SLC9B1: variants seen among roughly 807,000 people sequenced by gnomAD.
SLC9B1 encodes sodium/hydrogen exchanger 9B1.
A neutral mutation model predicts 51.7 loss-of-function variants in SLC9B1; 32 were observed. The ratio of observed to expected loss-of-function variants is 0.62; its 90% CI spans 0.47 to 0.83. SLC9B1 has a LOEUF of 0.83. Ranked by LOEUF, SLC9B1 falls within the 40% of genes least tolerant of loss-of-function variation. The pLI is 0.00. For missense variants in SLC9B1, 406 were observed against 613.2 expected (o/e 0.66, Z 3.57); for synonymous variants, 145 against 212.7 (o/e 0.68, Z 2.77).
intron 6 of SLC9B1, among the ~76,000 whole-genome samples, chr4:102,938,433 C>T (rs1414576970): frequency 6.6e-6 from 1 of 152,128 alleles, no homozygotes; most frequent in African/African-American, 2.4e-5. Context: ...TGGGAGACTT[C>T]AACATCTCAC....
chr4:102,991,560 C>CTA, intron 2 of SLC9B1, 83 bp downstream of exon 2: 1 of 932,688 alleles, frequency 1.1e-6, no homozygotes, highest in Non-Finnish European at 1.5e-6. Flanking sequence ...TAAAAGAAAC[C>CTA]TATCTAATAA....
intron 7 of SLC9B1, among the ~76,000 whole-genome samples, chr4:102,927,453 A>C (rs1388072628): frequency 1.3e-5 from 2 of 152,272 alleles, no homozygotes; most frequent in Admixed American, 6.5e-5. Flanking sequence ...ACATCTATGC[A>C]GCTAACAGAC....
intron 3 of SLC9B1, among the ~76,000 whole-genome samples, chr4:102,969,361 G>C (rs1281373001): frequency 6.6e-6 from 1 of 152,198 alleles, no homozygotes; most frequent in Non-Finnish European, 1.5e-5. Context: ...GGTCTGGAGT[G>C]GACCTCCAGC....
chr4:102,924,859 C>A (rs1425648049), intron 7 of SLC9B1, among the ~76,000 whole-genome samples: 1 of 152,106 alleles, frequency 6.6e-6, no homozygotes, highest in Non-Finnish European at 1.5e-5. Flanking sequence ...AATGAGATAC[C>A]ATCTCACACC....
In SLC9B1 at chr4:102,980,718, T is replaced by C. The variant is rs112224705; in HGVS notation, c.211+9082A>G. On this transcript the variant is annotated intron_variant, in intron 3 of 11. Coordinates refer to ENST00000296422, the MANE Select transcript of SLC9B1 (RefSeq NM_139173.4). ...ATGTAACAAACCTGCACATCCTGCA[T>C]ATGTACCCTGGAACTTAAAATAAAA... 3.3e-3 allele frequency among the ~76,000 whole-genome samples: 504 copies of C among 152,082 alleles called. 5 individuals are homozygous for C. Among genetic ancestry groups the C allele is most frequent in the Middle Eastern group, 0.017 (5 of 294 alleles).
chr4:102,963,676 C>T (rs912420259), intron 3 of SLC9B1, among the ~76,000 whole-genome samples: 1 of 151,942 alleles, frequency 6.6e-6, no homozygotes, highest in African/African-American at 2.4e-5. Flanking sequence ...CAAAAATGGC[C>T]CAAAATAGTT....
chr4:103,002,253 C>T (rs1740563330), intron 1 of SLC9B1, among the ~76,000 whole-genome samples: 1 of 152,198 alleles, frequency 6.6e-6, no homozygotes, highest in South Asian at 2.1e-4. Flanking sequence ...ACTGTCCATA[C>T]TTTCCTATAT....
At chr4:102,887,053 A>C (rs1733963686) in intron 11 of SLC9B1, among the ~76,000 whole-genome samples, 1 of 152,244 alleles carries the variant, frequency 6.6e-6, no homozygotes, top group African/African-American at 2.4e-5. Context: ...TCCACAAATG[A>C]CCAAGAACTT....
chr4:102,891,782 A>G (rs1269619817), intron 11 of SLC9B1: 1 of 152,214 alleles, frequency 6.6e-6, no homozygotes, highest in Non-Finnish European at 1.5e-5. Flanking sequence ...AATTTAAGTC[A>G]TAATAAATTT....
At chr4:102,947,735 T>G (rs184183652) in intron 4 of SLC9B1, among the ~76,000 whole-genome samples, 1 of 152,344 alleles carries the variant, frequency 6.6e-6, no homozygotes, top group South Asian at 2.1e-4. Context: ...ATGGCAACTT[T>G]GAGTAAAATG....
intron 5 of SLC9B1, 39 bp from the exon 6 acceptor site, chr4:102,945,359 T>C (rs1433028865): frequency 1.3e-6 from 2 of 1,485,124 alleles, no homozygotes; most frequent in Non-Finnish European, 1.8e-6. Context: ...ACATTTACAA[T>C]GGCCAACAAG....
In SLC9B1 at chr4:102,910,648, CA is replaced by C. The variant is rs529889694; in HGVS notation, c.937-61del. The C allele has an allele frequency of 6.2e-5, 48 of 774,868 alleles. No homozygotes were observed. The South Asian group carries it at 2.2e-3, about 36-fold the overall frequency. The allele number at this position is 774,868 out of a possible 1,614,324, so 48.0% of individuals were successfully genotyped here. A position where few individuals can be genotyped will look rare whatever the true frequency, so the allele number is the denominator to read the frequency against. On this transcript the variant is annotated intron_variant, in intron 8 of 11. Coordinates refer to ENST00000296422, the MANE Select transcript of SLC9B1 (RefSeq NM_139173.4). Reference sequence around the variant, plus strand: ...ATTAAATATATAATATAAGATTTGACATTATCTATTATATATTTTTGACCCT... The same window carrying C: ...ATTAAATATATAATATAAGATTTGACTTATCTATTATATATTTTTGACCCT...
chr4:102,921,824 A>C (rs948855876), intron 7 of SLC9B1, among the ~76,000 whole-genome samples: 28 of 152,250 alleles, frequency 1.8e-4, no homozygotes, highest in Non-Finnish European at 2.9e-4. Flanking sequence ...AGGCCATTAC[A>C]TAATGGTAAA....
intron 3 of SLC9B1, among the ~76,000 whole-genome samples, chr4:102,964,309 A>G (rs1053263102): frequency 4.6e-5 from 7 of 152,142 alleles, no homozygotes; most frequent in Non-Finnish European, 8.8e-5. Flanking sequence ...AGTAATTTCA[A>G]ATCTTCCTAT....
chr4:102,972,331 T>C (rs1163970049), intron 3 of SLC9B1, among the ~76,000 whole-genome samples: 1 of 152,174 alleles, frequency 6.6e-6, no homozygotes, highest in East Asian at 1.9e-4. Flanking sequence ...CAAGCCTGGG[T>C]CAATATACAC....
intron 2 of SLC9B1, among the ~76,000 whole-genome samples, chr4:102,990,200 G>A (rs989783101): frequency 3.3e-5 from 5 of 151,916 alleles, no homozygotes; most frequent in Non-Finnish European, 5.9e-5. Flanking sequence ...CTGAATAAAG[G>A]TGCCTACAGT....
intron 3 of SLC9B1, among the ~76,000 whole-genome samples, chr4:102,979,685 A>G (rs534760235): frequency 6.6e-5 from 10 of 152,182 alleles, no homozygotes; most frequent in Non-Finnish European, 1.3e-4. Flanking sequence ...TACTGACTAT[A>G]ACCCAGAAGG....
At chr4:103,005,832 G>A (rs1306244688) in intron 1 of SLC9B1, among the ~76,000 whole-genome samples, 2 of 152,068 alleles carry the variant, frequency 1.3e-5, no homozygotes, top group African/African-American at 2.4e-5. Flanking sequence ...TAAGCAACCT[G>A]TTTCCTGAAT....
intron 7 of SLC9B1, among the ~76,000 whole-genome samples, chr4:102,927,072 T>C (rs1367527352): frequency 6.6e-6 from 1 of 152,182 alleles, no homozygotes; most frequent in Non-Finnish European, 1.5e-5. Flanking sequence ...ACTGGATCCC[T>C]TCCTTATACC....
Sources: gnomAD v4.1 joint callset for allele counts (sites outside exome capture counted in the v4.1 genomes callset) on GRCh38, gnomAD v4.1.1 for gene constraint, MANE v1.5 for transcripts, NCBI Gene and HGNC (gene_info 2026-07-23, HGNC 2026-07-21) for gene names.